The following THSD7B variants were observed in gnomAD, a reference collection of about 807,000 sequenced individuals.
THSD7B encodes the protein thrombospondin type 1 domain containing 7B.
A neutral mutation model predicts 213.6 loss-of-function variants in THSD7B; 138 were observed. The observed-to-expected ratio is 0.65, with a 90% CI of 0.56 to 0.74. The LOEUF (loss-of-function observed/expected upper bound fraction) is 0.74. Ranked by LOEUF, THSD7B falls within the 30% of genes least tolerant of loss-of-function variation. The pLI, the probability that THSD7B is intolerant of heterozygous loss-of-function variation, is 0.00. For synonymous variants in THSD7B, 742 were observed against 687.0 expected (o/e 1.08, Z -1.25); for missense variants, 1,931 against 1,991.5 (o/e 0.97, Z 0.58).
At chr2:137,373,577 C>A (rs2104953309) in intron 12 of THSD7B, among the ~76,000 whole-genome samples, 1 of 152,178 alleles carries the variant, frequency 6.6e-6, no homozygotes, top group East Asian at 1.9e-4. Flanking sequence ...TGTTTGAGTT[C>A]ATTGTAGATT....
intron 1 of THSD7B, among the ~76,000 whole-genome samples, chr2:136,866,387 A>G (rs1573677270): frequency 6.6e-6 from 1 of 152,166 alleles, no homozygotes. Flanking sequence ...ATTACTGTTA[A>G]TAAAATATCA....
At chr2:136,928,487 T>A (rs947532922) in intron 2 of THSD7B, among the ~76,000 whole-genome samples, 2 of 152,190 alleles carry the variant, frequency 1.3e-5, no homozygotes, top group African/African-American at 2.4e-5. Flanking sequence ...TGTAATCCAA[T>A]GTACAATTTT....
chr2:137,405,892 G>A (rs1686506800), intron 13 of THSD7B, 85 bp downstream of exon 13: 1 of 1,260,068 alleles, frequency 7.9e-7, no homozygotes, highest in Admixed American at 2.8e-5. Flanking sequence ...CAAAGGACAG[G>A]AATTTGCATC....
intron 2 of THSD7B, among the ~76,000 whole-genome samples, chr2:136,961,227 T>TTC (rs1553460904): frequency 6.8e-6 from 1 of 146,810 alleles, no homozygotes; most frequent in African/African-American, 2.5e-5. Flanking sequence ...TTCTTTTCTT[T>TTC]TTTTTTTTTT....
At chr2:137,256,642 C>G (rs1682317579) in intron 10 of THSD7B, among the ~76,000 whole-genome samples, 1 of 152,070 alleles carries the variant, frequency 6.6e-6, no homozygotes, top group South Asian at 2.1e-4. Context: ...ATCTGGAATT[C>G]TGGTGGAATT....
At chr2:136,921,616 G>GCAATTTTAATTTTGCATTTTCTTGATTTT (rs1684440173) in intron 2 of THSD7B, among the ~76,000 whole-genome samples, 1 of 152,140 alleles carries the variant, frequency 6.6e-6, no homozygotes, top group East Asian at 1.9e-4. Flanking sequence ...AGGATGAATG[G>GCAATTTTAATTTTGCATTTTCTTGATTTT]CAATTTTAAT....
chr2:137,076,076 A>G (rs549171224), intron 3 of THSD7B, among the ~76,000 whole-genome samples: 38 of 152,162 alleles, frequency 2.5e-4, no homozygotes, highest in Non-Finnish European at 4.7e-4. Context: ...TCAGATCTCA[A>G]GCTGCATGCT....
chr2:137,120,782 G>C lies in THSD7B; in HGVS notation c.1369+5489G>C, dbSNP rs73958362. 4.5e-3 allele frequency among the ~76,000 whole-genome samples: 689 copies of C among 152,306 alleles called. 4 individuals are homozygous for C. Among genetic ancestry groups the C allele is most frequent in the African/African-American group, 0.016 (664 of 41,584 alleles). Reference sequence around the variant, plus strand: ...TAGCGTGTCACGCTACCTAGGCCGAGTGCAAACAAGCTTCCTTTCCAAATT... The same window carrying C: ...TAGCGTGTCACGCTACCTAGGCCGACTGCAAACAAGCTTCCTTTCCAAATT... On this transcript the variant is annotated intron_variant, in intron 5 of 27. Coordinates refer to ENST00000409968, the MANE Select transcript of THSD7B (RefSeq NM_001316349.2).
At chr2:137,291,567 A>G (rs1348774670) in intron 12 of THSD7B, among the ~76,000 whole-genome samples, 1 of 152,178 alleles carries the variant, frequency 6.6e-6, no homozygotes, top group Non-Finnish European at 1.5e-5. Context: ...TGGAAAGTCA[A>G]ATGCAGAAAT....
chr2:137,415,668 T>A, intron 14 of THSD7B, among the ~76,000 whole-genome samples: 1 of 121,964 alleles, frequency 8.2e-6, no homozygotes, highest in East Asian at 2.1e-4. Context: ...ATCAGTGTTT[T>A]TTTTTTTTTT....
At position 136,996,532 on chromosome 2, in the gene THSD7B, A is replaced by G. The variant is rs146161907; in HGVS notation, c.140-59888A>G. Among the ~76,000 whole-genome samples, 4 of 151,918 alleles carry G rather than the reference A, an allele frequency of 2.6e-5. No homozygotes were observed. The East Asian group carries it at 7.8e-4, about 29-fold the overall frequency. ...AATTAAAAAAAAATTATTTGTAGAG[A>G]TGGGGTCTTTCTTATGTTGTCCAGG... is the stretch of plus-strand genomic sequence containing the variant. On this transcript the variant is annotated intron_variant, in intron 2 of 27. Transcript: ENST00000409968.
At chr2:137,127,892 TG>T (rs1292687885) in intron 5 of THSD7B, among the ~76,000 whole-genome samples, 5 of 151,960 alleles carry the variant, frequency 3.3e-5, no homozygotes, top group African/African-American at 1.2e-4. Flanking sequence ...CACTCCAGCC[TG>T]GGTGGCAGAG....
At chr2:137,613,077 C>A (rs1409305812) in intron 17 of THSD7B, among the ~76,000 whole-genome samples, 2 of 152,062 alleles carry the variant, frequency 1.3e-5, no homozygotes, top group African/African-American at 4.8e-5. Flanking sequence ...GGTCTAAAAC[C>A]AGAGTGGTTC....
intron 24 of THSD7B, among the ~76,000 whole-genome samples, chr2:137,658,003 G>A (rs1683271981): frequency 6.6e-6 from 1 of 152,130 alleles, no homozygotes; most frequent in Non-Finnish European, 1.5e-5. Flanking sequence ...GAGCCACCAC[G>A]CCCGGCCAAT....
At chr2:137,174,739 G>A (rs866461384) in intron 7 of THSD7B, among the ~76,000 whole-genome samples, 2 of 152,124 alleles carry the variant, frequency 1.3e-5, no homozygotes, top group Non-Finnish European at 2.9e-5. Flanking sequence ...TCTGATTTCC[G>A]AGTCTCTGAT....
intron 2 of THSD7B, among the ~76,000 whole-genome samples, chr2:136,998,154 A>T (rs563658434): frequency 6.6e-6 from 1 of 151,234 alleles, no homozygotes; most frequent in South Asian, 2.1e-4. Flanking sequence ...TTAGGATGCC[A>T]TTCTGGGGAG....
chr2:136,993,182 T>G (rs1685819885), intron 2 of THSD7B, among the ~76,000 whole-genome samples: 1 of 152,236 alleles, frequency 6.6e-6, no homozygotes, highest in African/African-American at 2.4e-5. Context: ...ATGTTTTGGA[T>G]GTATATGAGA....
chr2:137,447,850 CA>C (rs1342053025), intron 14 of THSD7B, among the ~76,000 whole-genome samples: 24 of 151,658 alleles, frequency 1.6e-4, no homozygotes, highest in Admixed American at 1.5e-3. Flanking sequence ...GCCTGTAGAC[CA>C]GGGGAGAAAT....
At chr2:136,973,012 T>C (rs1685428291) in intron 2 of THSD7B, among the ~76,000 whole-genome samples, 1 of 152,174 alleles carries the variant, frequency 6.6e-6, no homozygotes, top group Non-Finnish European at 1.5e-5. Context: ...TGGTGTAAGC[T>C]GAATCAAGAC....
Sources: gnomAD v4.1 joint callset for allele counts (sites outside exome capture counted in the v4.1 genomes callset) on GRCh38, gnomAD v4.1.1 for gene constraint, MANE v1.5 for transcripts, NCBI Gene and HGNC (gene_info 2026-07-23, HGNC 2026-07-21) for gene names.